Variants in TBC1D16 observed in about 807,000 individuals in gnomAD.
TBC1D16 encodes the protein CTD-2529O21.1.
TBC1D16 carries 58 observed loss-of-function variants against 74.7 expected under a neutral mutation model. The ratio of observed to expected loss-of-function variants is 0.78; its 90% CI spans 0.63 to 0.97. The LOEUF (loss-of-function observed/expected upper bound fraction) is 0.97, where lower values mean the gene tolerates loss of function less well. Among genes scored for constraint, TBC1D16 ranks in the 50% least tolerant of loss-of-function variants. The pLI is 0.00. For synonymous variants in TBC1D16, 493 were observed against 474.7 expected (o/e 1.04, Z -0.50); for missense variants, 1,014 against 1,079.5 (o/e 0.94, Z 0.85).
rs1568648497 is a variant in TBC1D16 at position 80,024,526 on chromosome 17, T to TATACACACACA, written c.-62-10918_-62-10917insTGTGTGTGTAT. 1.4e-4 allele frequency among the ~76,000 whole-genome samples: 10 copies of TATACACACACA among 73,890 alleles called. 1 individual carries two copies. Among genetic ancestry groups the TATACACACACA allele is most frequent in the African/African-American group, 2.8e-4 (5 of 17,680 alleles). The allele number at this position is 73,890 out of a possible 152,430, so 48.5% of individuals were successfully genotyped here. ...CACCATAGACAAACCACGCACACCA[T>TATACACACACA]GCACACACCACACACCATATACACA... is the stretch of plus-strand genomic sequence containing the variant. On this transcript the variant is annotated intron_variant, in intron 1 of 11. Transcript: ENST00000310924.
chr17:80,021,333 G>GT (rs898568009), intron 1 of TBC1D16, among the ~76,000 whole-genome samples: 13 of 149,552 alleles, frequency 8.7e-5, no homozygotes, highest in African/African-American at 3.3e-4. Flanking sequence ...GGGTGGTGGT[G>GT]TGTGCCTGTA....
intron 3 of TBC1D16, among the ~76,000 whole-genome samples, chr17:79,982,488 G>A (rs534713115): frequency 3.7e-4 from 56 of 151,768 alleles, no homozygotes; most frequent in African/African-American, 1.3e-3. Flanking sequence ...ACTTTTGTGT[G>A]TTCACGTCTG....
rs1238380177 is a variant in TBC1D16 at position 79,936,480 on chromosome 17, G to A, written c.*4379C>T. The stretch of plus-strand genomic sequence containing the variant: ...CCAATGCACTCCCAGGAGGTGGCCT[G>A]GGCAGGCAGGCATCATTATTCTCAT... On this transcript the variant is annotated 3_prime_UTR_variant, in exon 12 of 12. Coordinates refer to ENST00000310924, the MANE Select transcript of TBC1D16 (RefSeq NM_019020.4). 6.6e-6 allele frequency: 1 copy of A among 152,266 alleles called. No homozygotes were observed. Among genetic ancestry groups the A allele is most frequent in the Non-Finnish European group, 1.5e-5 (1 of 68,088 alleles). The allele number at this position is 152,266 out of a possible 1,614,324, so 9.4% of individuals were successfully genotyped here.
intron 5 of TBC1D16, among the ~76,000 whole-genome samples, chr17:79,951,226 C>A (rs918003386): frequency 6.6e-5 from 10 of 152,178 alleles, no homozygotes; most frequent in Admixed American, 6.5e-4. Flanking sequence ...GAAGTCTTGT[C>A]AAAACATGAT....
At chr17:80,025,198 C>T (rs2036532988) in intron 1 of TBC1D16, among the ~76,000 whole-genome samples, 1 of 149,246 alleles carries the variant, frequency 6.7e-6, no homozygotes, top group Non-Finnish European at 1.5e-5. Context: ...GACACACACG[C>T]ACCCCATGAC....
chr17:79,985,569 C>T lies in TBC1D16; in HGVS notation c.779+24591G>A, dbSNP rs919691045. On this transcript the variant is annotated intron_variant, in intron 3 of 11. Transcript: ENST00000310924. The surrounding 1 kb of genome is among the most constrained non-coding windows in gnomAD (Gnocchi z 4.9). ...AGCGGGCACTGGCCTGGCACTCACG[C>T]TCGGGGTGGGGGGCATCCCAGGCCC... Among the ~76,000 whole-genome samples, 5 of 152,202 alleles carry T rather than the reference C, an allele frequency of 3.3e-5. No individual in the cohort carries two copies. The highest frequency in any genetic ancestry group is 6.5e-5 in the Admixed American group (1 of 15,286).
At chr17:79,968,399 C>A (rs1032018516) in intron 3 of TBC1D16, among the ~76,000 whole-genome samples, 1 of 152,140 alleles carries the variant, frequency 6.6e-6, no homozygotes, top group African/African-American at 2.4e-5. Flanking sequence ...ACACTGTCTA[C>A]AACAATTAAC....
rs778148705 is a variant in TBC1D16 at position 79,941,050 on chromosome 17, C to T, written c.2113G>A (p.Asp705Asn). 1.2e-5 allele frequency: 20 copies of T among 1,602,432 alleles called. No individual in the cohort carries two copies. In the East Asian group the frequency reaches 2.0e-4, roughly 16 times the overall value. Residue 705 changes from aspartate (D) to asparagine (N), a missense_variant, in exon 12 of 12, where the codon GAT becomes AAT. Physicochemically the swap from Asp to Asn is conservative, Grantham distance 23 (BLOSUM62 1). Transcript: ENST00000310924. This position sits in a 1 kb window ranked among gnomAD's most constrained non-coding sequence, Gnocchi z 4.3. Reference sequence around the variant, plus strand: ...CCTGACCCGCACAGCTTACACAGATCGTGCAGGCTGCAGGGGATCCGGGGC... The same window carrying T: ...CCTGACCCGCACAGCTTACACAGATTGTGCAGGCTGCAGGGGATCCGGGGC... ...LLPRIPCSLHDLCKLCGSGMW... is the reference protein window; with the variant it reads ...LLPRIPCSLHNLCKLCGSGMW...
intron 2 of TBC1D16, among the ~76,000 whole-genome samples, chr17:80,013,069 T>G (rs752140493): frequency 6.6e-6 from 1 of 152,172 alleles, no homozygotes; most frequent in East Asian, 1.9e-4. Flanking sequence ...AGCAATGCAT[T>G]TATTTGTTGC....
chr17:80,024,917 A>C (rs200234583), intron 1 of TBC1D16, among the ~76,000 whole-genome samples: 1 of 83,406 alleles, frequency 1.2e-5, no homozygotes, highest in Non-Finnish European at 2.3e-5. Context: ...CACACACACC[A>C]CACACCATAG....
intron 3 of TBC1D16, among the ~76,000 whole-genome samples, chr17:79,963,087 C>T (rs1054222837): frequency 4.0e-5 from 6 of 150,990 alleles, no homozygotes; most frequent in Admixed American, 6.6e-5. Context: ...TGGTGGTGGG[C>T]GCCTATAATC....
intron 3 of TBC1D16, among the ~76,000 whole-genome samples, chr17:79,996,425 C>G (rs1326132540): frequency 1.3e-5 from 2 of 152,104 alleles, no homozygotes; most frequent in Non-Finnish European, 2.9e-5. Context: ...ATTAAAACCA[C>G]AATGAGATGT....
At chr17:79,943,358 G>A (rs889676482) in intron 10 of TBC1D16, among the ~76,000 whole-genome samples, 1 of 152,072 alleles carries the variant, frequency 6.6e-6, no homozygotes, top group African/African-American at 2.4e-5. Flanking sequence ...GAGAGGGAGG[G>A]CACGATCTCC....
intron 1 of TBC1D16, among the ~76,000 whole-genome samples, chr17:80,034,063 G>C (rs1166441061): frequency 6.6e-6 from 1 of 152,124 alleles, no homozygotes; most frequent in African/African-American, 2.4e-5. Context: ...TCTGTAAATG[G>C]GCATAACTGC....
chr17:79,958,377 G>A (rs970523406), intron 3 of TBC1D16, among the ~76,000 whole-genome samples: 9 of 152,020 alleles, frequency 5.9e-5, no homozygotes, highest in African/African-American at 2.2e-4. Flanking sequence ...CTGCCACCAT[G>A]CCTGGCTAAT....
At position 79,983,538 on chromosome 17, in the gene TBC1D16, C is replaced by T. The variant is rs989339983; in HGVS notation, c.779+26622G>A. On this transcript the variant is annotated intron_variant, in intron 3 of 11. Transcript: ENST00000310924. The surrounding 1 kb of genome is among the most constrained non-coding windows in gnomAD (Gnocchi z 5.6). ...GTGAGCACCCGCAGCACCTCAGGCA[C>T]GGGGAGCTGAGCCACCGACGGCTAC... Among the ~76,000 whole-genome samples the T allele has an allele frequency of 9.2e-5, 14 of 152,204 alleles. No homozygotes were observed. Among genetic ancestry groups the T allele is most frequent in the East Asian group, 3.9e-4 (2 of 5,188 alleles).
chr17:79,941,215 C>T lies in TBC1D16; in HGVS notation c.2056-108G>A. On this transcript the variant is annotated intron_variant, in intron 11 of 11. Transcript: ENST00000310924. The surrounding 1 kb of genome is among the most constrained non-coding windows in gnomAD (Gnocchi z 4.3). The stretch of plus-strand genomic sequence containing the variant: ...CAACAGCAGCAACAACGGCCTGCAC[C>T]TCGGGGGCTCACCGAGTCCTGGACT... The T allele has an allele frequency of 8.9e-7, 1 of 1,118,892 alleles. No homozygotes were observed. Among genetic ancestry groups the T allele is most frequent in the Non-Finnish European group, 1.3e-6 (1 of 795,710 alleles). 69.3% of individuals were successfully genotyped at this position (1,118,892 alleles called of 1,614,324 possible).
intron 1 of TBC1D16, among the ~76,000 whole-genome samples, chr17:80,018,282 A>G: frequency 7.4e-6 from 1 of 135,620 alleles, no homozygotes; most frequent in East Asian, 2.0e-4. Flanking sequence ...TTATTTCTTT[A>G]TTTTTTTTTT....
chr17:80,024,117 G>C (rs1220710467), intron 1 of TBC1D16: 1 of 150,276 alleles, frequency 6.7e-6, no homozygotes, highest in African/African-American at 2.5e-5. Context: ...GCAGCTCCGG[G>C]CCAGACGGTC....
Sources: allele counts gnomAD v4.1 joint callset (sites outside exome capture counted in the v4.1 genomes callset), GRCh38; gene constraint gnomAD v4.1.1; non-coding constraint Gnocchi (gnomAD v3.1); transcripts MANE v1.5; gene names NCBI Gene and HGNC (gene_info 2026-07-23, HGNC 2026-07-21).